The following COL27A1 variants were observed in gnomAD, a reference collection of about 807,000 sequenced individuals.
COL27A1 encodes collagen alpha-1(XXVII) chain.
A neutral mutation model predicts 251.3 loss-of-function variants in COL27A1; 106 were observed. The ratio of observed to expected loss-of-function variants is 0.42; its 90% CI spans 0.36 to 0.50. The LOEUF is 0.50. Ranked by LOEUF, COL27A1 falls within the 20% of genes least tolerant of loss-of-function variation. The pLI, the probability that COL27A1 is intolerant of heterozygous loss-of-function variation, is 0.00. For synonymous variants in COL27A1, 1,000 were observed against 986.3 expected, an observed-to-expected ratio of 1.01 and a Z score of -0.26; for missense variants, 2,325 against 2,522.8, an observed-to-expected ratio of 0.92 and a Z score of 1.68.
rs1267271641 is a variant in COL27A1 at position 114,265,047 on chromosome 9, C to T, written c.3295-19C>T. 6.2e-7 allele frequency: 1 copy of T among 1,613,640 alleles called. No homozygotes were observed. Among genetic ancestry groups the T allele is most frequent in the African/African-American group, 1.3e-5 (1 of 74,880 alleles). The stretch of plus-strand genomic sequence containing the variant: ...GCTTTGTGATCTGAGCCTGTAATGA[C>T]CCCCACATGTGCTTCCAGGGTGTGG... On this transcript the variant is annotated intron_variant, in intron 30 of 60. Transcript: ENST00000356083.
At chr9:114,266,487 C>A (rs1834751990) in intron 32 of COL27A1, 78 bp from the exon 33 acceptor site, 1 of 1,262,700 alleles carries the variant, frequency 7.9e-7, no homozygotes, top group African/African-American at 1.5e-5. Flanking sequence ...GGGTCAGCTC[C>A]CTCATTCACC....
At chr9:114,252,977 T>A in intron 27 of COL27A1, 45 bp downstream of exon 27, 5 of 1,538,698 alleles carry the variant, frequency 3.2e-6, no homozygotes, top group Non-Finnish European at 4.5e-6. Context: ...CACTGTCAGA[T>A]AAGGGTTAGG....
intron 49 of COL27A1, among the ~76,000 whole-genome samples, chr9:114,297,233 T>C (rs1210001762): frequency 6.6e-6 from 1 of 152,178 alleles, no homozygotes. Flanking sequence ...TAAGACTGTT[T>C]TTAAAATTAC....
In COL27A1 at chr9:114,264,913, G is replaced by A. The variant is rs778576696; in HGVS notation, c.3250-11G>A. 6.2e-7 allele frequency: 1 copy of A among 1,610,600 alleles called. No homozygotes were observed. The highest frequency in any genetic ancestry group is 1.1e-5 in the South Asian group (1 of 90,778). ...ACCCTCTCCCACCTTCACGTGCTCT[G>A]CTTCCCACAGGGCCCTCCAGGACCC... On this transcript the variant is annotated splice_polypyrimidine_tract_variant and intron_variant, in intron 29 of 60. Coordinates refer to ENST00000356083, the MANE Select transcript of COL27A1 (RefSeq NM_032888.4).
chr9:114,302,214 G>T lies in COL27A1; in HGVS notation c.4872+106G>T, dbSNP rs1055001212. ...CCCTGGTGGCTAGAGCCCTAAGCTG[G>T]GTCTAGGGACGCCCATGTCCTTTTG... On this transcript the variant is annotated intron_variant, in intron 56 of 60. Transcript: ENST00000356083. The T allele has an allele frequency of 9.3e-5, 85 of 917,146 alleles. 1 individual carries two copies. The highest frequency in any genetic ancestry group is 1.1e-5 in the Non-Finnish European group (6 of 564,874). The allele number at this position is 917,146 out of a possible 1,614,324, so 56.8% of individuals were successfully genotyped here. A position where few individuals can be genotyped will look rare whatever the true frequency, so the allele number is the denominator to read the frequency against.
At chr9:114,302,279 C>A (rs1249753) in intron 56 of COL27A1, among the ~76,000 whole-genome samples, 171 bp downstream of exon 56, 79,757 of 152,016 alleles carry the variant, frequency 0.52, 21,209 homozygotes, top group Non-Finnish European at 0.56. Context: ...AGCAACAGAA[C>A]GAGCCCTGGG....
intron 41 of COL27A1, among the ~76,000 whole-genome samples, chr9:114,286,520 G>A (rs749576346): frequency 3.9e-5 from 6 of 152,140 alleles, no homozygotes; most frequent in South Asian, 2.1e-4. Context: ...CCTGCTCACC[G>A]TGGGGGTGAG....
intron 15 of COL27A1, 123 bp from the exon 16 acceptor site, chr9:114,231,699 G>A (rs1468515046): frequency 1.1e-6 from 1 of 944,756 alleles, no homozygotes; most frequent in African/African-American, 1.6e-5. Flanking sequence ...CCCTTTTACA[G>A]ATGTGAACAC....
chr9:114,280,333 AGCTGGATTACAGGCG>A (rs1183250308), intron 37 of COL27A1, among the ~76,000 whole-genome samples: 30 of 151,982 alleles, frequency 2.0e-4, no homozygotes, highest in South Asian at 6.2e-4. Context: ...ACTCCCAGGT[AGCTGGATTACAGGCG>A]TGCACTACCA....
At chr9:114,178,180 C>T (rs555301537) in intron 3 of COL27A1, 111 bp from the exon 4 acceptor site, 205 of 888,904 alleles carry the variant, frequency 2.3e-4, no homozygotes, top group Non-Finnish European at 3.5e-4. Flanking sequence ...TCCTCTTAGC[C>T]GCGGACTATC....
chr9:114,167,804 G>A lies in COL27A1; in HGVS notation c.249G>A (p.Gln83=), dbSNP rs372211916. ...GFIFTQRARL[Q]APTGTVIPAA... ...TCTTTACGCAGCGGGCCCGGCTCCA[G>A]GCTCCCACGGGCACCGTCATTCCTG... is the stretch of plus-strand genomic sequence containing the variant. Residue 83 remains glutamine, a synonymous_variant, in exon 3 of 61, where the codon CAG becomes CAA. Coordinates refer to ENST00000356083, the MANE Select transcript of COL27A1 (RefSeq NM_032888.4). 1.9e-5 allele frequency: 30 copies of A among 1,613,494 alleles called. 1 individual carries two copies. The South Asian group carries it at 2.4e-4, about 13-fold the overall frequency.
intron 39 of COL27A1, 94 bp from the exon 40 acceptor site, chr9:114,283,615 C>A: frequency 8.6e-7 from 1 of 1,164,620 alleles, no homozygotes; most frequent in Non-Finnish European, 1.3e-6. Context: ...TGCCAGGCTG[C>A]TGGGCGGAGC....
chr9:114,172,092 C>T (rs1849363944), intron 3 of COL27A1, among the ~76,000 whole-genome samples: 1 of 152,216 alleles, frequency 6.6e-6, no homozygotes, highest in Non-Finnish European at 1.5e-5. Flanking sequence ...AGGCCCCATG[C>T]TATCCCCTGT....
intron 14 of COL27A1, among the ~76,000 whole-genome samples, chr9:114,225,168 C>T (rs759969437): frequency 3.6e-4 from 55 of 152,318 alleles, no homozygotes; most frequent in Non-Finnish European, 7.1e-4. Flanking sequence ...GAAACCCTTT[C>T]GGCAAATGGG....
At chr9:114,284,855 GC>G (rs1827347459) in intron 41 of COL27A1, 78 bp downstream of exon 41, 1 of 1,506,886 alleles carries the variant, frequency 6.6e-7, no homozygotes, top group African/African-American at 1.4e-5. Context: ...GCAGGAGAAA[GC>G]CCCTGGGGTA....
At chr9:114,284,560 G>A (rs1237126260) in intron 40 of COL27A1, among the ~76,000 whole-genome samples, 164 bp from the exon 41 acceptor site, 1 of 152,218 alleles carries the variant, frequency 6.6e-6, no homozygotes, top group Non-Finnish European at 1.5e-5. Flanking sequence ...CGGCACATCT[G>A]GAAGGCCAGG....
intron 49 of COL27A1, among the ~76,000 whole-genome samples, chr9:114,298,677 G>A (rs1034514291): frequency 3.3e-5 from 5 of 152,056 alleles, no homozygotes; most frequent in Non-Finnish European, 7.4e-5. Context: ...CAATGTAAAG[G>A]CTAAAACTGT....
In COL27A1 at chr9:114,229,217, A is replaced by G. The variant is rs183595295; in HGVS notation, c.2467-1862A>G. Reference sequence around the variant, plus strand: ...ATCCTAAAGTCCAGAAAGGGGAAGCATTTGCCCAAGATCACACAGGTCAGG... The same window carrying G: ...ATCCTAAAGTCCAGAAAGGGGAAGCGTTTGCCCAAGATCACACAGGTCAGG... On this transcript the variant is annotated intron_variant, in intron 14 of 60. Coordinates refer to ENST00000356083, the MANE Select transcript of COL27A1 (RefSeq NM_032888.4). Among the ~76,000 whole-genome samples, 1,057 of 152,318 alleles carry G rather than the reference A, an allele frequency of 6.9e-3. 3 individuals carry two copies. Among genetic ancestry groups the G allele is most frequent in the Middle Eastern group, 0.034 (10 of 294 alleles).
In COL27A1 at chr9:114,168,057, G is replaced by A. The variant is rs1417184547; in HGVS notation, c.502G>A (p.Val168Ile). 8 of 1,608,484 alleles carry A rather than the reference G, an allele frequency of 5.0e-6. No individual in the cohort carries two copies. Among genetic ancestry groups the A allele is most frequent in the Admixed American group, 3.3e-5 (2 of 59,990 alleles). ...HLALELRGRT[V>I]TLVTACGQRR... ...GGCCCTCGAGCTCCGAGGCCGCACA[G>A]TCACTCTGGTGACTGCCTGCGGGCA... The change falls in exon 3 of 61, where the codon GTC becomes ATC. Residue 168 changes from valine to isoleucine, a missense_variant. Val to Ile is a conservative substitution (Grantham distance 29, BLOSUM62 3). Around this residue, in one of 4 missense-constraint regions of COL27A1, gnomAD observed 1,183 missense variants for 1,144.1 expected, o/e 1.03. Coordinates refer to ENST00000356083, the MANE Select transcript of COL27A1 (RefSeq NM_032888.4).
Sources: gnomAD v4.1 joint callset for allele counts (sites outside exome capture counted in the v4.1 genomes callset) on GRCh38, gnomAD v4.1.1 for gene constraint, gnomAD v4.1.1 regional missense constraint, MANE v1.5 for transcripts, NCBI Gene and HGNC (gene_info 2026-07-23, HGNC 2026-07-21) for gene names.